Variants in NRIP1 observed in about 807,000 individuals in gnomAD.
NRIP1 encodes nuclear receptor-interacting protein 1.
Under a neutral mutation model 75.0 loss-of-function variants are expected in NRIP1, and 28 were observed. That is an observed-to-expected ratio of 0.37 (90% CI 0.28 to 0.51). The LOEUF is 0.51. NRIP1 is among the 20% of genes least tolerant of loss of function. The pLI, the probability that NRIP1 is intolerant of heterozygous loss-of-function variation, is 0.92. For missense variants in NRIP1, 1,435 were observed against 1,343.7 expected (o/e 1.07, Z -1.06); for synonymous variants, 526 against 487.6 (o/e 1.08, Z -1.04).
At chr21:15,033,329 T>TTA (rs10649149) in intron 2 of NRIP1, among the ~76,000 whole-genome samples, 21,213 of 151,954 alleles carry the variant, frequency 0.14, 2,688 homozygotes, top group African/African-American at 0.33. Context: ...CTCTATGAAT[T>TTA]TATTTCCATT....
chr21:15,031,661 C>T (rs1480182058), intron 2 of NRIP1, among the ~76,000 whole-genome samples: 1 of 90,684 alleles, frequency 1.1e-5, no homozygotes, highest in Non-Finnish European at 2.0e-5. Flanking sequence ...ACTACATTCC[C>T]TTTCTATGTG....
At chr21:15,058,780 C>G (rs1485198545) in intron 1 of NRIP1, among the ~76,000 whole-genome samples, 1 of 152,082 alleles carries the variant, frequency 6.6e-6, no homozygotes, top group Non-Finnish European at 1.5e-5. Flanking sequence ...AGAGTATAGG[C>G]AAACTCAACT....
Position 14,964,746 on chromosome 21 carries a change from G to T in NRIP1, c.3447C>A (p.Ser1149Arg). 1 of 1,561,994 alleles carries T rather than the reference G, an allele frequency of 6.4e-7. No individual in the cohort carries two copies. The highest frequency in any genetic ancestry group is 8.6e-7 in the Non-Finnish European group (1 of 1,161,382). ...CTGATTCTTTCTTTATCGTTAGCAC[G>T]CTTCCCAGAAGTCCATAAACTTCTC... ...ANGEVYGLLG[S>R]VLTIKKESE The change falls in exon 4 of 4, where the codon AGC (serine) becomes AGA (arginine). Residue 1149 changes from serine (S) to arginine (R), a missense_variant. Coordinates refer to ENST00000318948, the MANE Select transcript of NRIP1 (RefSeq NM_003489.4).
chr21:15,008,985 C>A (rs2088039828), intron 3 of NRIP1, among the ~76,000 whole-genome samples: 1 of 152,172 alleles, frequency 6.6e-6, no homozygotes, highest in Admixed American at 6.5e-5. Context: ...ATATGAATCT[C>A]ATAAATAAAA....
chr21:15,022,400 G>T (rs77817039), intron 2 of NRIP1, among the ~76,000 whole-genome samples: 1 of 152,174 alleles, frequency 6.6e-6, no homozygotes, highest in East Asian at 1.9e-4. Context: ...AGGTGTGGGG[G>T]GAGGGAGAGC....
At chr21:14,969,032 C>A (rs987801408) in intron 3 of NRIP1, among the ~76,000 whole-genome samples, 1 of 152,200 alleles carries the variant, frequency 6.6e-6, no homozygotes, top group Admixed American at 6.5e-5. Flanking sequence ...TTTCTGACAT[C>A]ATCCCCCAAA....
Position 15,029,287 on chromosome 21 carries a change from T to G in NRIP1, c.-458+14208A>C, listed in dbSNP as rs574225748. ...CCTCTGACCTCATCTCCTGTGACCC[T>G]CCCTCACTCACCCCACTCCAGCCAC... On this transcript the variant is annotated intron_variant, in intron 2 of 3. Coordinates refer to ENST00000318948, the MANE Select transcript of NRIP1 (RefSeq NM_003489.4). Among the ~76,000 whole-genome samples, 916 of 152,142 alleles carry G rather than the reference T, an allele frequency of 6.0e-3. 7 individuals are homozygous for G. The highest frequency in any genetic ancestry group is 0.021 in the African/African-American group (858 of 41,498).
At chr21:14,973,294 C>T (rs1372433919) in intron 3 of NRIP1, among the ~76,000 whole-genome samples, 1 of 151,000 alleles carries the variant, frequency 6.6e-6, no homozygotes, top group Admixed American at 6.6e-5. Context: ...ATACTAAGAA[C>T]AAATAAAGGC....
chr21:15,004,856 GAGA>G (rs1475552377), intron 3 of NRIP1, among the ~76,000 whole-genome samples: 1 of 152,208 alleles, frequency 6.6e-6, no homozygotes, highest in Non-Finnish European at 1.5e-5. Flanking sequence ...GTGAGGAAGA[GAGA>G]AGGTGAGGCA....
At chr21:14,981,852 ATTT>A (rs61171563) in intron 3 of NRIP1, among the ~76,000 whole-genome samples, 2 of 131,432 alleles carry the variant, frequency 1.5e-5, no homozygotes, top group African/African-American at 5.9e-5. Context: ...AGTTCATTTG[ATTT>A]TTTTTTTTTT....
At chr21:15,031,543 G>A (rs544034599) in intron 2 of NRIP1, among the ~76,000 whole-genome samples, 1 of 142,338 alleles carries the variant, frequency 7.0e-6, no homozygotes, top group African/African-American at 2.6e-5. Flanking sequence ...GAAGGCGGTT[G>A]GAGGTTCACC....
rs190783401 is a variant in NRIP1, at chr21:15,056,694, C to T, written c.-538+8051G>A. 9.8e-4 allele frequency among the ~76,000 whole-genome samples: 149 copies of T among 152,214 alleles called. 1 individual carries two copies. Among genetic ancestry groups the T allele is most frequent in the African/African-American group, 3.3e-3 (139 of 41,526 alleles). ...TTGCAGCTTTTATACAAATCTCTTG[C>T]TTTTCCAACATGATTTGGCAACTCA... On this transcript the variant is annotated intron_variant, in intron 1 of 3. Transcript: ENST00000318948.
At chr21:14,988,862 A>G (rs2147060524) in intron 3 of NRIP1, among the ~76,000 whole-genome samples, 1 of 152,236 alleles carries the variant, frequency 6.6e-6, no homozygotes, top group East Asian at 1.9e-4. Flanking sequence ...TAGTGCCTAG[A>G]GGAGTCAGTA....
intron 2 of NRIP1, among the ~76,000 whole-genome samples, chr21:15,042,278 C>T (rs923980454): frequency 1.3e-5 from 2 of 152,142 alleles, no homozygotes; most frequent in Admixed American, 1.3e-4. Flanking sequence ...TTTATGCATC[C>T]TTCCTTCATC....
At position 14,968,330 on chromosome 21, in the gene NRIP1, C is replaced by G. The variant is rs963258096; in HGVS notation, c.-138G>C. ...GCAATCAGAGAGAGACGTACTGTTA[C>G]ATTCTGTCCAAGATTTCTTCTGGCA... On this transcript the variant is annotated 5_prime_UTR_variant, in exon 4 of 4. It removes an upstream start codon present in the reference 5' UTR. Coordinates refer to ENST00000318948, the MANE Select transcript of NRIP1 (RefSeq NM_003489.4). The G allele has an allele frequency of 4.7e-6, 3 of 641,668 alleles. No individual in the cohort carries two copies. The African/African-American group carries it at 5.5e-5, about 12-fold the overall frequency. The allele number at this position is 641,668 out of a possible 1,614,324, so 39.7% of individuals were successfully genotyped here.
At chr21:15,003,410 T>C (rs1312197594) in intron 3 of NRIP1, among the ~76,000 whole-genome samples, 1 of 152,192 alleles carries the variant, frequency 6.6e-6, no homozygotes, top group African/African-American at 2.4e-5. Flanking sequence ...GTAGGAACAA[T>C]TAAGAAATAC....
At chr21:15,044,994 G>T (rs1031859704) in intron 1 of NRIP1, among the ~76,000 whole-genome samples, 6 of 152,146 alleles carry the variant, frequency 3.9e-5, no homozygotes, top group Admixed American at 3.3e-4. Context: ...AGAGAAGACG[G>T]TAGTTTTATA....
At chr21:15,063,212 G>GA (rs1015130201) in intron 1 of NRIP1, among the ~76,000 whole-genome samples, 3 of 152,056 alleles carry the variant, frequency 2.0e-5, no homozygotes, top group African/African-American at 4.8e-5. Flanking sequence ...TGCCCAGGCA[G>GA]AAAAAAAGTT....
rs922038597 is a variant in NRIP1, at chr21:15,064,932, T to C, written c.-725A>G. On this transcript the variant is annotated 5_prime_UTR_variant, in exon 1 of 4. Transcript: ENST00000318948. ...GGTGGCGGGCGGGCGTGGGGCCGGG[T>C]CGTCCCTGCGCCTCGCCGCCGCCTC... 3 of 146,588 alleles carry C rather than the reference T, an allele frequency of 2.0e-5. No homozygotes were observed. The highest frequency in any genetic ancestry group is 7.5e-5 in the African/African-American group (3 of 39,756). 9.1% of individuals were successfully genotyped at this position (146,588 alleles called of 1,614,324 possible).
Sources: allele counts gnomAD v4.1 joint callset (sites outside exome capture counted in the v4.1 genomes callset), GRCh38; gene constraint gnomAD v4.1.1; transcripts MANE v1.5; gene names NCBI Gene and HGNC (gene_info 2026-07-23, HGNC 2026-07-21).